Variants in ANKIB1 observed in about 807,000 individuals in gnomAD.
ANKIB1 encodes the protein ankyrin repeat and IBR domain containing 1, also known as ankyrin repeat and IBR domain-containing protein 1.
In ANKIB1, 43 loss-of-function variants were observed where a neutral mutation model predicts 122.1. The ratio of observed to expected loss-of-function variants is 0.35; its 90% CI spans 0.28 to 0.45. The LOEUF (loss-of-function observed/expected upper bound fraction) is 0.45, where lower values mean the gene tolerates loss of function less well. Among genes scored for constraint, ANKIB1 ranks in the 20% least tolerant of loss-of-function variants. The pLI is 1.00. For synonymous variants in ANKIB1, 390 were observed against 442.0 expected (o/e 0.88, Z 1.48); for missense variants, 992 against 1,329.5 (o/e 0.75, Z 3.95).
intron 3 of ANKIB1, among the ~76,000 whole-genome samples, chr7:92,316,748 C>G (rs1284921467): frequency 6.6e-6 from 1 of 152,088 alleles, no homozygotes; most frequent in Non-Finnish European, 1.5e-5. Context: ...TTTTAACCCC[C>G]CAATGAATGA....
intron 17 of ANKIB1, among the ~76,000 whole-genome samples, chr7:92,392,679 CA>C (rs1050309935): frequency 6.6e-6 from 1 of 152,040 alleles, no homozygotes; most frequent in Admixed American, 6.6e-5. Context: ...GTTAATGCAA[CA>C]ACCTGAGGGA....
At chr7:92,248,170 C>A (rs534512350) in intron 1 of ANKIB1, among the ~76,000 whole-genome samples, 1 of 152,192 alleles carries the variant, frequency 6.6e-6, no homozygotes, top group African/African-American at 2.4e-5. Context: ...GTTGTTGATT[C>A]TCTTTTCCTT....
intron 1 of ANKIB1, among the ~76,000 whole-genome samples, chr7:92,288,214 A>G (rs1802176216): frequency 1.3e-5 from 2 of 152,180 alleles, no homozygotes; most frequent in African/African-American, 4.8e-5. Flanking sequence ...CTAGATATGA[A>G]CACTTGGCAT....
chr7:92,333,705 G>A (rs913738654), intron 5 of ANKIB1, among the ~76,000 whole-genome samples: 3 of 152,254 alleles, frequency 2.0e-5, no homozygotes, highest in East Asian at 3.9e-4. Context: ...CTGACATAGT[G>A]GATGGGACAT....
In ANKIB1 at chr7:92,338,953, T is replaced by A. The variant is rs1448276141; in HGVS notation, c.788-4071T>A. Among the ~76,000 whole-genome samples, 243 of 104,892 alleles carry A rather than the reference T, an allele frequency of 2.3e-3. 3 individuals are homozygous for A. Among genetic ancestry groups the A allele is most frequent in the Non-Finnish European group, 3.7e-3 (202 of 54,220 alleles). The allele number at this position is 104,892 out of a possible 152,430, so 68.8% of individuals were successfully genotyped here. On this transcript the variant is annotated intron_variant, in intron 5 of 19. Transcript: ENST00000265742. ...AAAAAAATATATATATATATATATA[T>A]ATATATATATATATATATTTATATG...
At chr7:92,259,042 T>A (rs940837880) in intron 1 of ANKIB1, among the ~76,000 whole-genome samples, 2 of 152,056 alleles carry the variant, frequency 1.3e-5, no homozygotes, top group East Asian at 1.9e-4. Flanking sequence ...TAACCTCTGC[T>A]TCCCGGGCTC....
At chr7:92,359,524 A>G (rs549662193) in intron 9 of ANKIB1, among the ~76,000 whole-genome samples, 10 of 152,294 alleles carry the variant, frequency 6.6e-5, no homozygotes, top group South Asian at 6.2e-4. Flanking sequence ...TAGTGCTGCA[A>G]TAAACATATG....
At chr7:92,271,959 T>C (rs940937859) in intron 1 of ANKIB1, among the ~76,000 whole-genome samples, 4 of 152,042 alleles carry the variant, frequency 2.6e-5, no homozygotes, top group Admixed American at 6.6e-5. Flanking sequence ...GAAAAGTGAA[T>C]TTTAAAAAGA....
chr7:92,263,480 C>T (rs1801605193), intron 1 of ANKIB1, among the ~76,000 whole-genome samples: 1 of 152,196 alleles, frequency 6.6e-6, no homozygotes, highest in Non-Finnish European at 1.5e-5. Flanking sequence ...GAAGGGACCT[C>T]TGTTCCTTAC....
intron 5 of ANKIB1, among the ~76,000 whole-genome samples, chr7:92,339,528 A>G (rs1377697542): frequency 6.6e-6 from 1 of 152,178 alleles, no homozygotes; most frequent in African/African-American, 2.4e-5. Context: ...GATTTAAATA[A>G]TAGGAGCATG....
intron 11 of ANKIB1, among the ~76,000 whole-genome samples, chr7:92,372,076 G>A (rs1193156206): frequency 2.0e-5 from 3 of 150,758 alleles, no homozygotes; most frequent in South Asian, 4.2e-4. Flanking sequence ...TGGAGCGTAC[G>A]GCTTAGACTC....
chr7:92,339,040 CTT>C (rs1209380092), intron 5 of ANKIB1, among the ~76,000 whole-genome samples: 133 of 64,870 alleles, frequency 2.1e-3, no homozygotes, highest in African/African-American at 7.5e-3. Context: ...CTTGAATTTT[CTT>C]TTTTTTTTTT....
chr7:92,386,786 G>A, intron 12 of ANKIB1, 143 bp downstream of exon 12: 1 of 853,894 alleles, frequency 1.2e-6, no homozygotes, highest in Non-Finnish European at 1.6e-6. Flanking sequence ...CAACAAAACA[G>A]CTCTGTAAAC....
In ANKIB1 at chr7:92,398,555, C is replaced by T; in HGVS notation, c.2876C>T (p.Ala959Val). ...FCPSSSDPDS[A>V]GQDPNINDNL... ...CCCTCATCTAGTGATCCTGACTCAG[C>T]TGGCCAGGACCCCAACATCAATGAC... Residue 959 changes from alanine to valine, a missense_variant, in exon 20 of 20, where the codon GCT (alanine) becomes GTT (valine). By Grantham distance (64) the Ala-to-Val change is moderately conservative. Coordinates refer to ENST00000265742, the MANE Select transcript of ANKIB1 (RefSeq NM_019004.2). 6.2e-7 allele frequency: 1 copy of T among 1,613,924 alleles called. No individual in the cohort carries two copies. The highest frequency in any genetic ancestry group is 8.5e-7 in the Non-Finnish European group (1 of 1,179,858).
At chr7:92,365,399 A>G (rs115861035) in intron 10 of ANKIB1, among the ~76,000 whole-genome samples, 80 of 152,328 alleles carry the variant, frequency 5.3e-4, no homozygotes, top group African/African-American at 1.9e-3. Context: ...CCAGGCATAG[A>G]GTGAAGTGGC....
At chr7:92,387,777 T>A in intron 12 of ANKIB1, 21 bp from the exon 13 acceptor site, 1 of 1,583,936 alleles carries the variant, frequency 6.3e-7, no homozygotes, top group Non-Finnish European at 8.6e-7. Context: ...TAAAAGTCAT[T>A]TGTGGACTTT....
chr7:92,286,113 A>G (rs1802117391), intron 1 of ANKIB1, among the ~76,000 whole-genome samples: 1 of 152,202 alleles, frequency 6.6e-6, no homozygotes, highest in Non-Finnish European at 1.5e-5. Flanking sequence ...ATGCCCTAAT[A>G]GAGGCCATTC....
chr7:92,390,341 T>C, intron 15 of ANKIB1, among the ~76,000 whole-genome samples: 1 of 152,334 alleles, frequency 6.6e-6, no homozygotes, highest in African/African-American at 2.4e-5. Flanking sequence ...TTATGAGTGG[T>C]GCAAACATTT....
intron 1 of ANKIB1, among the ~76,000 whole-genome samples, chr7:92,255,701 TC>T (rs1801421540): frequency 6.6e-6 from 1 of 152,254 alleles, no homozygotes. Context: ...GATTTTGCTT[TC>T]TGTGCCATAA....
Sources: gnomAD v4.1 joint callset for allele counts (sites outside exome capture counted in the v4.1 genomes callset) on GRCh38, gnomAD v4.1.1 for gene constraint, MANE v1.5 for transcripts, NCBI Gene and HGNC (gene_info 2026-07-23, HGNC 2026-07-21) for gene names.